Variants in IL2 observed in about 807,000 individuals in gnomAD.
IL2 encodes interleukin-2.
A neutral mutation model predicts 14.6 loss-of-function variants in IL2; 3 were observed. The ratio of observed to expected loss-of-function variants is 0.21; its 90% CI spans 0.09 to 0.53. The LOEUF (loss-of-function observed/expected upper bound fraction) is 0.53. Among genes scored for constraint, IL2 ranks in the 20% least tolerant of loss-of-function variants. IL2 has a pLI of 0.95. For synonymous variants in IL2, 71 were observed against 60.0 expected (o/e 1.18, Z -0.85); for missense variants, 125 against 170.8 (o/e 0.73, Z 1.50).
At chr4:122,452,964 A>G (rs1184237402) in intron 3 of IL2, among the ~76,000 whole-genome samples, 1 of 151,948 alleles carries the variant, frequency 6.6e-6, no homozygotes, top group Non-Finnish European at 1.5e-5. Context: ...TTTTAATTCA[A>G]CTGAAACAGT....
In IL2 at chr4:122,453,859, A is replaced by G; in HGVS notation, c.208-6T>C. ...AGATGTTTCAGTTCTGTGGCCTAGA[A>G]TAATAATTATCATCAGCTCAGTTTA... On this transcript the variant is annotated splice_polypyrimidine_tract_variant and splice_region_variant and intron_variant, in intron 2 of 3. Transcript: ENST00000226730. The G allele has an allele frequency of 1.3e-6, 2 of 1,599,734 alleles. No homozygotes were observed. The highest frequency in any genetic ancestry group is 1.7e-6 in the Non-Finnish European group (2 of 1,174,680).
intron 1 of IL2, 45 bp downstream of exon 1, chr4:122,456,249 G>C: frequency 6.3e-7 from 1 of 1,588,324 alleles, no homozygotes; most frequent in Non-Finnish European, 8.6e-7. Flanking sequence ...TCTCCAGCTA[G>C]ATTACTAAAT....
intron 2 of IL2, among the ~76,000 whole-genome samples, chr4:122,455,125 G>C (rs1797717068): frequency 6.6e-6 from 1 of 151,848 alleles, no homozygotes; most frequent in Non-Finnish European, 1.5e-5. Context: ...TCTTTCAGAA[G>C]GGTAGTTAGA....
At chr4:122,452,220 A>G (rs1338652129) in intron 3 of IL2, among the ~76,000 whole-genome samples, 2 of 152,068 alleles carry the variant, frequency 1.3e-5, no homozygotes, top group Non-Finnish European at 2.9e-5. Flanking sequence ...ATGTACACCT[A>G]TATTTGTGTA....
At position 122,456,166 on chromosome 4, in the gene IL2, A is replaced by C. The variant is rs1371545323; in HGVS notation, c.185T>G (p.Phe62Cys). Reference sequence around the variant, plus strand: ...TACCTTCTTGGGCATGTAAAACTTAAATGTGAGCATCCTGGTGAGTTTGGG... The same window carrying C: ...TACCTTCTTGGGCATGTAAAACTTACATGTGAGCATCCTGGTGAGTTTGGG... Reference protein sequence around the residue: ...KNPKLTRMLTFKFYMPKKATE... With the variant: ...KNPKLTRMLTCKFYMPKKATE... Residue 62 changes from phenylalanine (F) to cysteine (C), a missense_variant, in exon 2 of 4, where the codon TTT (phenylalanine) becomes TGT (cysteine). By Grantham distance (205) the Phe-to-Cys change is radical. Coordinates refer to ENST00000226730, the MANE Select transcript of IL2 (RefSeq NM_000586.4). The C allele has an allele frequency of 6.2e-7, 1 of 1,607,838 alleles. No homozygotes were observed. The highest frequency in any genetic ancestry group is 8.5e-7 in the Non-Finnish European group (1 of 1,175,366).
rs1335313533 is a variant in IL2 at position 122,456,207 on chromosome 4, A to C, written c.148-4T>G. On this transcript the variant is annotated splice_polypyrimidine_tract_variant and splice_region_variant and intron_variant, in intron 1 of 3. Coordinates refer to ENST00000226730, the MANE Select transcript of IL2 (RefSeq NM_000586.4). ...TGAGTTTGGGATTCTTGTAATTCTA[A>C]GAAAGTATAATGCATTGTTATTAAG... The C allele has an allele frequency of 2.5e-6, 4 of 1,608,540 alleles. No homozygotes were observed. The highest frequency in any genetic ancestry group is 1.7e-5 in the Admixed American group (1 of 59,786).
chr4:122,455,437 A>C (rs1351469173), intron 2 of IL2, among the ~76,000 whole-genome samples: 2 of 151,950 alleles, frequency 1.3e-5, no homozygotes, highest in African/African-American at 4.8e-5. Flanking sequence ...TAAAAAGATA[A>C]AGTCCAAAAT....
chr4:122,455,157 T>C (rs756509725), intron 2 of IL2, among the ~76,000 whole-genome samples: 2 of 151,828 alleles, frequency 1.3e-5, no homozygotes, highest in African/African-American at 2.4e-5. Flanking sequence ...CTTGAATTAA[T>C]AGAATTTGAG....
rs2069769 is a variant in IL2 at position 122,453,169 on chromosome 4, T to C, written c.351+541A>G. 5.8e-3 allele frequency among the ~76,000 whole-genome samples: 883 copies of C among 152,058 alleles called. 4 individuals are homozygous for C. Among genetic ancestry groups the C allele is most frequent in the African/African-American group, 0.02 (839 of 41,552 alleles). ...TTGCATATTTTATGCTTCCTGTGCATTTAAAAATACTTAAGATTCTGAAAG... is the reference window on the plus strand; with the variant it reads ...TTGCATATTTTATGCTTCCTGTGCACTTAAAAATACTTAAGATTCTGAAAG... On this transcript the variant is annotated intron_variant, in intron 3 of 3. Coordinates refer to ENST00000226730, the MANE Select transcript of IL2 (RefSeq NM_000586.4).
At chr4:122,456,091 T>C in intron 2 of IL2, 53 bp downstream of exon 2, 1 of 1,334,692 alleles carries the variant, frequency 7.5e-7, no homozygotes, top group South Asian at 1.2e-5. Context: ...CAAATTTTCA[T>C]ATTACTTTGA....
intron 3 of IL2, 122 bp from the exon 4 acceptor site, chr4:122,451,984 A>T: frequency 2.5e-6 from 1 of 393,374 alleles, no homozygotes. Flanking sequence ...CATATTAATT[A>T]TTCACATTTT....
chr4:122,456,417 A>G lies in IL2; in HGVS notation c.24T>C (p.Ser8=). The G allele has an allele frequency of 6.2e-7, 1 of 1,611,960 alleles. No individual in the cohort carries two copies. MYRMQLL[S]CIALSLALVT... is the part of the protein sequence containing the mutation. Reference sequence around the variant, plus strand: ...CAAGTGCAAGACTTAGTGCAATGCAAGACAGGAGTTGCATCCTGTACATTG... The same window carrying G: ...CAAGTGCAAGACTTAGTGCAATGCAGGACAGGAGTTGCATCCTGTACATTG... Residue 8 remains serine (S), a synonymous_variant, in exon 1 of 4, where the codon TCT becomes TCC. Coordinates refer to ENST00000226730, the MANE Select transcript of IL2 (RefSeq NM_000586.4).
At chr4:122,453,267 T>A (rs1797693917) in intron 3 of IL2, among the ~76,000 whole-genome samples, 2 of 151,812 alleles carry the variant, frequency 1.3e-5, no homozygotes, top group African/African-American at 2.4e-5. Flanking sequence ...TTTTTTTTTT[T>A]AAGACAAATC....
intron 1 of IL2, 32 bp downstream of exon 1, chr4:122,456,262 A>C (rs1797729001): frequency 2.5e-6 from 4 of 1,597,964 alleles, no homozygotes; most frequent in Non-Finnish European, 3.4e-6. Flanking sequence ...TACTAAATGT[A>C]ATAATTTTAG....
At chr4:122,453,047 T>G (rs906452253) in intron 3 of IL2, among the ~76,000 whole-genome samples, 6 of 151,992 alleles carry the variant, frequency 3.9e-5, no homozygotes, top group African/African-American at 1.4e-4. Flanking sequence ...ATACTTATGC[T>G]GCTTATTTAG....
chr4:122,453,932 G>A, intron 2 of IL2, 79 bp from the exon 3 acceptor site: 1 of 1,216,488 alleles, frequency 8.2e-7, no homozygotes, highest in Non-Finnish European at 1.1e-6. Context: ...TTTATTTGGA[G>A]TAGCAGTATG....
chr4:122,454,580 C>T (rs1012451568), intron 2 of IL2, among the ~76,000 whole-genome samples: 1 of 151,696 alleles, frequency 6.6e-6, no homozygotes, highest in African/African-American at 2.4e-5. Flanking sequence ...ATTTACTTCT[C>T]ACAGTCATCT....
rs754115901 is a variant in IL2 at position 122,456,399 on chromosome 4, A to T, written c.42T>A (p.Leu14=). The T allele has an allele frequency of 3.1e-6, 5 of 1,612,442 alleles. No homozygotes were observed. The change falls in exon 1 of 4, where the codon CTT becomes CTA. Residue 14 remains leucine (L), a synonymous_variant. Transcript: ENST00000226730. ...MQLLSCIALS[L]ALVTNSAPTS... The stretch of plus-strand genomic sequence containing the variant: ...TAGGTGCACTGTTTGTGACAAGTGC[A>T]AGACTTAGTGCAATGCAAGACAGGA...
In IL2 at chr4:122,456,616, A is replaced by G. The variant is rs1301726240; in HGVS notation, c.-176T>C. ...ACCTGTCTGAAAAAACATTACCTTCATTTTTCCTCTTCTGATGACTCTTTG... is the reference window on the plus strand; with the variant it reads ...ACCTGTCTGAAAAAACATTACCTTCGTTTTTCCTCTTCTGATGACTCTTTG... On this transcript the variant is annotated 5_prime_UTR_variant, in exon 1 of 4. It removes an upstream start codon present in the reference 5' UTR. Transcript: ENST00000226730. The G allele has an allele frequency of 2.0e-6, 1 of 509,588 alleles. No homozygotes were observed. The highest frequency in any genetic ancestry group is 3.4e-6 in the Non-Finnish European group (1 of 290,762). 31.6% of individuals were successfully genotyped at this position (509,588 alleles called of 1,614,324 possible).
Sources: gnomAD v4.1 joint callset for allele counts (sites outside exome capture counted in the v4.1 genomes callset) on GRCh38, gnomAD v4.1.1 for gene constraint, MANE v1.5 for transcripts, NCBI Gene and HGNC (gene_info 2026-07-23, HGNC 2026-07-21) for gene names.